The following NAV3 variants were observed in gnomAD, a reference collection of about 807,000 sequenced individuals.
NAV3 encodes neuron navigator 3, also known as pore membrane and/or filament interacting like protein 1.
Under a neutral mutation model 244.7 loss-of-function variants are expected in NAV3, and 87 were observed. The ratio of observed to expected loss-of-function variants is 0.36; its 90% CI spans 0.30 to 0.42. The LOEUF (loss-of-function observed/expected upper bound fraction) is 0.42, where lower values mean the gene tolerates loss of function less well. Among genes scored for constraint, NAV3 ranks in the 20% least tolerant of loss-of-function variants. NAV3 has a pLI of 1.00. For missense variants in NAV3, 2,663 were observed against 2,893.3 expected (o/e 0.92, Z 1.83); for synonymous variants, 1,126 against 1,042.2 (o/e 1.08, Z -1.55).
intron 8 of NAV3, among the ~76,000 whole-genome samples, chr12:78,008,220 G>GT (rs923140102): frequency 9.0e-4 from 130 of 143,742 alleles, no homozygotes; most frequent in South Asian, 2.2e-3. Context: ...TTACTGATTT[G>GT]TTTTTTTTTT....
intron 1 of NAV3, among the ~76,000 whole-genome samples, chr12:77,896,517 T>C (rs868832157): frequency 6.6e-6 from 1 of 152,140 alleles, no homozygotes; most frequent in African/African-American, 2.4e-5. Flanking sequence ...TGGAAAAAAG[T>C]ATAGAATATG....
chr12:77,678,180 T>C (rs1874289017), intron 2 of NAV3, among the ~76,000 whole-genome samples: 1 of 152,050 alleles, frequency 6.6e-6, no homozygotes, highest in South Asian at 2.1e-4. Context: ...CATGGACAAA[T>C]GGAAGTGGTA....
intron 8 of NAV3, among the ~76,000 whole-genome samples, chr12:78,018,821 C>G (rs1876663871): frequency 6.6e-6 from 1 of 152,144 alleles, no homozygotes; most frequent in Non-Finnish European, 1.5e-5. Context: ...CCTTAGAACA[C>G]TTCAGAGGAT....
chr12:78,041,218 A>T (rs1593360963), intron 9 of NAV3, among the ~76,000 whole-genome samples: 1 of 152,202 alleles, frequency 6.6e-6, no homozygotes, highest in African/African-American at 2.4e-5. Context: ...GTGTTTTATT[A>T]TTCTTTAAAA....
chr12:77,874,323 A>G (rs1202938794), intron 1 of NAV3, among the ~76,000 whole-genome samples: 2 of 152,008 alleles, frequency 1.3e-5, no homozygotes, highest in Non-Finnish European at 1.5e-5. Context: ...GGCTCAAGCA[A>G]TCCTCCAGCC....
chr12:78,173,189 T>A (rs1457438970), intron 24 of NAV3, among the ~76,000 whole-genome samples: 1 of 151,614 alleles, frequency 6.6e-6, no homozygotes, highest in Non-Finnish European at 1.5e-5. Flanking sequence ...TTACAAGCAC[T>A]AAAAAAGAAA....
chr12:77,715,162 A>G (rs1415328853), intron 2 of NAV3, among the ~76,000 whole-genome samples: 1 of 152,028 alleles, frequency 6.6e-6, no homozygotes, highest in African/African-American at 2.4e-5. Context: ...TATTAAATCC[A>G]TACAGCAAAG....
In NAV3 at chr12:78,146,301, A is replaced by G. The variant is rs894413491; in HGVS notation, c.4684-68A>G. On this transcript the variant is annotated intron_variant, in intron 20 of 39. Transcript: ENST00000397909. ...AAAGTACATCATGATTATTGTATTC[A>G]TTTATACTTGTGGAATTAATTGAAA... is the stretch of plus-strand genomic sequence containing the variant. 4 of 639,556 alleles carry G rather than the reference A, an allele frequency of 6.3e-6. No homozygotes were observed. In the African/African-American group the frequency reaches 7.4e-5, roughly 12 times the overall value. 39.6% of individuals were successfully genotyped at this position (639,556 alleles called of 1,614,324 possible).
At chr12:78,138,098 A>G (rs1956453028) in intron 19 of NAV3, among the ~76,000 whole-genome samples, 1 of 152,190 alleles carries the variant, frequency 6.6e-6, no homozygotes. Context: ...CATACATATT[A>G]TAAAGCATGT....
intron 1 of NAV3, among the ~76,000 whole-genome samples, chr12:77,879,228 T>C (rs180708160): frequency 9.2e-5 from 14 of 152,166 alleles, no homozygotes; most frequent in Non-Finnish European, 1.8e-4. Flanking sequence ...CATTGAACCA[T>C]GCGATTTTAG....
At position 77,614,074 on chromosome 12, in the gene NAV3, C is replaced by CTTTTTTTTTTT. The variant is rs71440485; in HGVS notation, c.72+41825_72+41835dup. On this transcript the variant is annotated intron_variant, in intron 2 of 8. Transcript: ENST00000550042. ...GACTTTGCCTTTCTTTTCTTTCTCT[C>CTTTTTTTTTTT]TTTTTTTTTTTTTTTTTTTTTTTTT... Among the ~76,000 whole-genome samples the CTTTTTTTTTTT allele has an allele frequency of 1.5e-4, 14 of 95,674 alleles. 1 individual carries two copies. The highest frequency in any genetic ancestry group is 5.7e-4 in the African/African-American group (14 of 24,380). 62.8% of individuals were successfully genotyped at this position (95,674 alleles called of 152,430 possible).
At chr12:77,737,795 T>C (rs1460524323) in intron 2 of NAV3, among the ~76,000 whole-genome samples, 1 of 152,238 alleles carries the variant, frequency 6.6e-6, no homozygotes, top group East Asian at 1.9e-4. Context: ...CAACAGCCAC[T>C]GTTGTTCTAG....
At chr12:77,890,792 T>TAAAC (rs1177582839) in intron 1 of NAV3, among the ~76,000 whole-genome samples, 1 of 152,200 alleles carries the variant, frequency 6.6e-6, no homozygotes, top group Non-Finnish European at 1.5e-5. Context: ...TGAATATGTG[T>TAAAC]AAACATCTCA....
At chr12:78,061,004 A>G (rs1487278424) in intron 12 of NAV3, among the ~76,000 whole-genome samples, 1 of 152,142 alleles carries the variant, frequency 6.6e-6, no homozygotes, top group African/African-American at 2.4e-5. Context: ...CAACGTAAAG[A>G]CCTAGATAGG....
intron 2 of NAV3, among the ~76,000 whole-genome samples, chr12:77,778,869 AAAAG>A (rs1175397529): frequency 6.6e-6 from 1 of 152,212 alleles, no homozygotes; most frequent in African/African-American, 2.4e-5. Flanking sequence ...CTTTGGGACA[AAAAG>A]AAGCTGAATC....
intron 2 of NAV3, among the ~76,000 whole-genome samples, chr12:77,676,944 T>C (rs1874234899): frequency 6.6e-6 from 1 of 152,084 alleles, no homozygotes; most frequent in Non-Finnish European, 1.5e-5. Flanking sequence ...TTTGCTTAGA[T>C]CCCCAGAATT....
chr12:77,849,324 A>G (rs1877132735), intron 1 of NAV3, among the ~76,000 whole-genome samples: 1 of 152,166 alleles, frequency 6.6e-6, no homozygotes, highest in Non-Finnish European at 1.5e-5. Context: ...TCTATATCGC[A>G]AAAAGAGCCA....
intron 2 of NAV3, among the ~76,000 whole-genome samples, chr12:77,599,094 C>T (rs1315613702): frequency 1.3e-5 from 2 of 151,934 alleles, no homozygotes; most frequent in Admixed American, 1.3e-4. Flanking sequence ...AATTTAGATA[C>T]CTCATGTGAG....
At chr12:77,735,472 G>A (rs531335870) in intron 2 of NAV3, among the ~76,000 whole-genome samples, 10 of 152,124 alleles carry the variant, frequency 6.6e-5, no homozygotes, top group African/African-American at 2.2e-4. Context: ...AAGATAAGAA[G>A]AAAAAGGTTT....
Sources: gnomAD v4.1 joint callset for allele counts (sites outside exome capture counted in the v4.1 genomes callset) on GRCh38, gnomAD v4.1.1 for gene constraint, MANE v1.5 for transcripts, NCBI Gene and HGNC (gene_info 2026-07-23, HGNC 2026-07-21) for gene names.